The following DBI variants were observed in gnomAD, a reference collection of about 807,000 sequenced individuals.
DBI encodes acyl-CoA-binding protein.
DBI carries 12 observed loss-of-function variants against 13.0 expected under a neutral mutation model. The observed-to-expected ratio is 0.92, with a 90% confidence interval of 0.59 to 1.49. DBI has a LOEUF of 1.49. Ranked by LOEUF, DBI falls within the 40% of genes most tolerant of loss-of-function variation. The pLI is 0.00. For synonymous variants in DBI, 37 were observed against 37.4 expected (o/e 0.99, Z 0.04); for missense variants, 95 against 104.8 (o/e 0.91, Z 0.41).
intron 3 of DBI, among the ~76,000 whole-genome samples, chr2:119,371,871 A>G (rs1681539628): frequency 6.6e-6 from 1 of 152,234 alleles, no homozygotes; most frequent in South Asian, 2.1e-4. Context: ...GGCCAAAGCC[A>G]ATATCAGCCA....
chr2:119,367,253 T>C, intron 1 of DBI, 193 bp downstream of exon 1: 3 of 1,437,198 alleles, frequency 2.1e-6, no homozygotes, highest in South Asian at 1.5e-5. Context: ...CTAAATCTGC[T>C]GCCCACCCCG....
chr2:119,372,017 G>A (rs530752885), intron 3 of DBI, among the ~76,000 whole-genome samples: 13 of 152,330 alleles, frequency 8.5e-5, no homozygotes, highest in East Asian at 5.8e-4. Context: ...GCAGATGGGC[G>A]ACAGATCTTG....
intron 1 of DBI, 151 bp downstream of exon 1, chr2:119,367,211 C>A: frequency 6.9e-7 from 1 of 1,451,310 alleles, no homozygotes; most frequent in South Asian, 1.4e-5. Flanking sequence ...TTGGACAGAG[C>A]CTTGTGAGCG....
Position 119,370,897 on chromosome 2 carries a change from A to C in DBI, c.190+95A>C, listed in dbSNP as rs947857894. 4.1e-6 allele frequency: 5 copies of C among 1,205,052 alleles called. No homozygotes were observed. The African/African-American group carries it at 7.6e-5, about 18-fold the overall frequency. 74.6% of individuals were successfully genotyped at this position (1,205,052 alleles called of 1,614,324 possible). ...AGGGAAGAGGAGAGAAAACAAAGTC[A>C]ATGGGGCACGTGTGGGAAACCAGCC... is the stretch of plus-strand genomic sequence containing the variant. On this transcript the variant is annotated intron_variant, in intron 3 of 3. Coordinates refer to ENST00000355857, the MANE Select transcript of DBI (RefSeq NM_001079862.4).
chr2:119,368,305 G>T lies in DBI; in HGVS notation c.127G>T (p.Glu43Ter). The change falls in exon 2 of 4, where the codon GAA (glutamate) becomes TAA (stop). Residue 43 changes from glutamate to a stop codon, truncating the protein, a stop_gained and splice_region_variant. Coordinates refer to ENST00000355857, the MANE Select transcript of DBI (RefSeq NM_001079862.4). LOFTEE classifies it high-confidence loss of function. ...KQATVGDINT[E>*]RPGMLDFTGK... is the part of the protein sequence containing the mutation. ...AGCAACTGTGGGCGACATAAATACA[G>T]GTATGCAGAGCGGGGGTTGGAAGGG... 8.7e-6 allele frequency: 14 copies of T among 1,609,508 alleles called. No individual in the cohort carries two copies. Among genetic ancestry groups the T allele is most frequent in the Non-Finnish European group, 1.2e-5 (14 of 1,175,782 alleles).
At chr2:119,372,173 C>T (rs1468884743) in intron 3 of DBI, 72 bp from the exon 4 acceptor site, 12 of 1,108,274 alleles carry the variant, frequency 1.1e-5, no homozygotes, top group Non-Finnish European at 1.7e-5. Flanking sequence ...GCAGAGCTGC[C>T]TGGGGCTCTG....
intron 1 of DBI, chr2:119,367,647 C>T: frequency 6.2e-7 from 1 of 1,613,930 alleles, no homozygotes; most frequent in Non-Finnish European, 8.5e-7. Context: ...GGACAGAGGT[C>T]GGTGTTGAAC....
At position 119,368,320 on chromosome 2, in the gene DBI, G is replaced by T. The variant is rs1198822950; in HGVS notation, c.127+15G>T. 6.3e-7 allele frequency: 1 copy of T among 1,587,994 alleles called. No individual in the cohort carries two copies. Among genetic ancestry groups the T allele is most frequent in the African/African-American group, 1.3e-5 (1 of 74,478 alleles). On this transcript the variant is annotated intron_variant, in intron 2 of 3. Coordinates refer to ENST00000355857, the MANE Select transcript of DBI (RefSeq NM_001079862.4). ...CATAAATACAGGTATGCAGAGCGGG[G>T]GTTGGAAGGGCATCTGCTCATCAAA...
At chr2:119,367,328 G>A in intron 1 of DBI, 1 of 1,437,998 alleles carries the variant, frequency 7.0e-7, no homozygotes, top group Non-Finnish European at 9.1e-7. Context: ...TGGGAGTCGA[G>A]GGTGCTTGAT....
intron 2 of DBI, 56 bp downstream of exon 2, chr2:119,368,361 C>T: frequency 3.1e-6 from 4 of 1,277,430 alleles, no homozygotes; most frequent in Non-Finnish European, 4.6e-6. Flanking sequence ...CTCAGCAGCT[C>T]AGACTGGAAG....
At chr2:119,367,597 C>T (rs765262903) in intron 1 of DBI, 19 of 1,614,006 alleles carry the variant, frequency 1.2e-5, no homozygotes, top group East Asian at 2.2e-5. Context: ...GTGGGGCGAC[C>T]TCTGGCTCCT....
At chr2:119,367,844 G>A in intron 1 of DBI, 2 of 1,613,572 alleles carry the variant, frequency 1.2e-6, no homozygotes, top group Non-Finnish European at 1.7e-6. Flanking sequence ...TGGCCGCGCT[G>A]CTTCTCCCGC....
chr2:119,371,812 C>A (rs1681535439), intron 3 of DBI, among the ~76,000 whole-genome samples: 1 of 152,202 alleles, frequency 6.6e-6, no homozygotes, highest in Non-Finnish European at 1.5e-5. Context: ...TTTTCACTGC[C>A]AGCTTAACAG....
chr2:119,368,396 T>C, intron 2 of DBI, 91 bp downstream of exon 2: 2 of 917,512 alleles, frequency 2.2e-6, no homozygotes, highest in Non-Finnish European at 3.6e-6. Flanking sequence ...ACTCTCAAAC[T>C]GCCTGAGGCC....
intron 2 of DBI, among the ~76,000 whole-genome samples, chr2:119,369,510 G>T (rs1487637763): frequency 6.6e-6 from 1 of 152,202 alleles, no homozygotes; most frequent in African/African-American, 2.4e-5. Flanking sequence ...AACTGAGGCT[G>T]GGCGCTATGG....
intron 3 of DBI, among the ~76,000 whole-genome samples, chr2:119,371,986 G>T (rs1292792472): frequency 3.3e-5 from 5 of 152,248 alleles, no homozygotes; most frequent in African/African-American, 1.2e-4. Flanking sequence ...CCCCAGGACA[G>T]GTGGGGGACG....
chr2:119,369,760 T>C (rs1681378978), intron 2 of DBI, among the ~76,000 whole-genome samples: 1 of 152,062 alleles, frequency 6.6e-6, no homozygotes, highest in Non-Finnish European at 1.5e-5. Flanking sequence ...CACTCCAGCC[T>C]GGGCAACAGA....
chr2:119,370,549 T>G, intron 2 of DBI, 191 bp from the exon 3 acceptor site: 1 of 426,116 alleles, frequency 2.3e-6, no homozygotes, highest in Non-Finnish European at 4.2e-6. Context: ...CTATTTGCTC[T>G]AGATTTTAAG....
chr2:119,371,155 C>A (rs780709679), intron 3 of DBI, among the ~76,000 whole-genome samples: 16 of 152,148 alleles, frequency 1.1e-4, no homozygotes, highest in African/African-American at 3.9e-4. Context: ...CAAGGCCAGG[C>A]GGTGACCCCC....
Sources: allele counts gnomAD v4.1 joint callset (sites outside exome capture counted in the v4.1 genomes callset), GRCh38; gene constraint gnomAD v4.1.1; transcripts MANE v1.5; gene names NCBI Gene and HGNC (gene_info 2026-07-23, HGNC 2026-07-21).